The following ROBO2 variants were observed in gnomAD, a reference collection of about 807,000 sequenced individuals.
The protein encoded by ROBO2 is roundabout guidance receptor 2, also known as roundabout homolog 2.
A neutral mutation model predicts 160.8 loss-of-function variants in ROBO2; 53 were observed. The ratio of observed to expected loss-of-function variants is 0.33; its 90% CI spans 0.26 to 0.41. The LOEUF is 0.41. ROBO2 is among the 10% of genes least tolerant of loss of function. The pLI is 1.00. For synonymous variants in ROBO2, 664 were observed against 611.7 expected (o/e 1.09, Z -1.26); for missense variants, 1,577 against 1,722.4 (o/e 0.92, Z 1.49).
At chr3:75,911,594 G>A in intron 1 of ROBO2, among the ~76,000 whole-genome samples, 1 of 108,718 alleles carries the variant, frequency 9.2e-6, no homozygotes, top group Admixed American at 1.4e-4. Context: ...GTTTCGCTCT[G>A]TCGCCCAGGC....
intron 16 of ROBO2, among the ~76,000 whole-genome samples, chr3:77,586,872 A>G (rs1160165886): frequency 6.7e-6 from 1 of 149,010 alleles, no homozygotes; most frequent in Non-Finnish European, 1.5e-5. Context: ...TATAATAAAT[A>G]TATGTATAAT....
intron 2 of ROBO2, among the ~76,000 whole-genome samples, chr3:76,930,273 C>G (rs943444855): frequency 5.9e-5 from 9 of 152,210 alleles, no homozygotes; most frequent in Admixed American, 2.0e-4. Context: ...TTCCAAAGTG[C>G]TGGGATTACA....
At chr3:77,451,015 C>T (rs952903460) in intron 2 of ROBO2, among the ~76,000 whole-genome samples, 1 of 152,052 alleles carries the variant, frequency 6.6e-6, no homozygotes, top group Non-Finnish European at 1.5e-5. Context: ...TTATATTCAT[C>T]CGTCAGTTTC....
At chr3:76,396,295 A>G (rs1020424348) in intron 2 of ROBO2, among the ~76,000 whole-genome samples, 3 of 152,164 alleles carry the variant, frequency 2.0e-5, no homozygotes, top group African/African-American at 7.2e-5. Flanking sequence ...AAAACTCTCA[A>G]TAAATTAGGT....
At chr3:77,511,910 T>G (rs780485354) in intron 5 of ROBO2, among the ~76,000 whole-genome samples, 2 of 151,942 alleles carry the variant, frequency 1.3e-5, no homozygotes, top group Non-Finnish European at 1.5e-5. Flanking sequence ...AATTTTTATT[T>G]TCTTAAAAGG....
intron 2 of ROBO2, among the ~76,000 whole-genome samples, chr3:76,387,936 G>A (rs1247096283): frequency 2.6e-5 from 4 of 152,154 alleles, no homozygotes; most frequent in Non-Finnish European, 1.5e-5. Flanking sequence ...TAGAAGCAAT[G>A]GGATGAAATG....
At chr3:76,864,526 C>T (rs946110342) in intron 2 of ROBO2, among the ~76,000 whole-genome samples, 14 of 152,046 alleles carry the variant, frequency 9.2e-5, no homozygotes, top group Admixed American at 4.6e-4. Flanking sequence ...GCCAGAAACT[C>T]AAGTTGACAT....
chr3:76,630,674 T>C (rs1250007188), intron 2 of ROBO2, among the ~76,000 whole-genome samples: 1 of 152,182 alleles, frequency 6.6e-6, no homozygotes, highest in Non-Finnish European at 1.5e-5. Flanking sequence ...GAGTGGTGAA[T>C]GGAGAAATTG....
At position 76,939,478 on chromosome 3, in the gene ROBO2, CA is replaced by C. The variant is rs552768059; in HGVS notation, c.110-158531del. ...CTTCCAAAATTTAAAGGCTTGTGAA[CA>C]AAAAGCAGAGGTTTAAATCCCCTCT... On this transcript the variant is annotated intron_variant, in intron 2 of 26. Transcript: ENST00000487694. 4.6e-4 allele frequency among the ~76,000 whole-genome samples: 70 copies of C among 152,154 alleles called. 2 individuals are homozygous for C. In the South Asian group the frequency reaches 0.014, roughly 31 times the overall value.
intron 2 of ROBO2, among the ~76,000 whole-genome samples, chr3:76,326,114 T>C (rs1360689572): frequency 6.6e-6 from 1 of 152,210 alleles, no homozygotes. Context: ...TGGAGACTTT[T>C]GGTCTTAGAA....
chr3:76,985,554 C>T (rs1365441458), intron 2 of ROBO2, among the ~76,000 whole-genome samples: 5 of 109,278 alleles, frequency 4.6e-5, no homozygotes, highest in East Asian at 3.2e-4. Flanking sequence ...CCAGCCTGGG[C>T]GACAAAGCGA....
intron 2 of ROBO2, among the ~76,000 whole-genome samples, chr3:76,721,086 G>A (rs981274784): frequency 3.0e-4 from 45 of 152,082 alleles, no homozygotes; most frequent in African/African-American, 9.7e-4. Flanking sequence ...AATTAGCTAG[G>A]AAAACTTACA....
intron 2 of ROBO2, among the ~76,000 whole-genome samples, chr3:76,973,947 C>T (rs1206243692): frequency 1.3e-5 from 2 of 152,056 alleles, no homozygotes; most frequent in African/African-American, 4.8e-5. Context: ...AAAGGGCACA[C>T]CAAAGTGATG....
chr3:77,198,231 T>C (rs2150991806), intron 2 of ROBO2, among the ~76,000 whole-genome samples: 1 of 152,326 alleles, frequency 6.6e-6, no homozygotes, highest in East Asian at 1.9e-4. Flanking sequence ...CTATTCATCA[T>C]ACATTAAAGC....
At chr3:77,368,388 A>G (rs2071248056) in intron 2 of ROBO2, among the ~76,000 whole-genome samples, 1 of 152,144 alleles carries the variant, frequency 6.6e-6, no homozygotes, top group African/African-American at 2.4e-5. Flanking sequence ...GTATCATTGA[A>G]AAACTTTGTT....
chr3:77,249,079 C>T (rs899437560), intron 2 of ROBO2, among the ~76,000 whole-genome samples: 11 of 151,924 alleles, frequency 7.2e-5, no homozygotes, highest in South Asian at 2.1e-4. Context: ...CTCAAACTCC[C>T]GACCTCAGGT....
intron 2 of ROBO2, among the ~76,000 whole-genome samples, chr3:76,707,542 G>T (rs561441606): frequency 6.6e-6 from 1 of 151,806 alleles, no homozygotes; most frequent in African/African-American, 2.4e-5. Context: ...CATGCCACAA[G>T]TTCCCAAGGC....
chr3:76,841,867 T>C (rs2068304854), intron 2 of ROBO2, among the ~76,000 whole-genome samples: 1 of 152,186 alleles, frequency 6.6e-6, no homozygotes, highest in African/African-American at 2.4e-5. Flanking sequence ...GTTGTCTATT[T>C]GCTGCAGCTG....
chr3:76,978,096 G>A lies in ROBO2; in HGVS notation c.110-119918G>A, dbSNP rs189799181. Among the ~76,000 whole-genome samples, 339 of 152,262 alleles carry A rather than the reference G, an allele frequency of 2.2e-3. 1 individual carries two copies. Among genetic ancestry groups the A allele is most frequent in the African/African-American group, 7.7e-3 (318 of 41,568 alleles). On this transcript the variant is annotated intron_variant, in intron 2 of 26. Transcript: ENST00000487694. ...ATATGTCCCTGACAATATTCTTGGT[G>A]ATTCCTATAGTTATTTTTTAAACTA...
Sources: gnomAD v4.1 joint callset for allele counts (sites outside exome capture counted in the v4.1 genomes callset) on GRCh38, gnomAD v4.1.1 for gene constraint, MANE v1.5 for transcripts, NCBI Gene and HGNC (gene_info 2026-07-23, HGNC 2026-07-21) for gene names.